The following VPS13C variants were observed in gnomAD, a reference collection of about 807,000 sequenced individuals.
VPS13C encodes the protein intermembrane lipid transfer protein VPS13C.
VPS13C carries 358 observed loss-of-function variants against 456.8 expected under a neutral mutation model. That is an observed-to-expected ratio of 0.78 (90% CI 0.72 to 0.86). VPS13C has a LOEUF of 0.86. VPS13C is among the 40% of genes least tolerant of loss of function. The pLI is 0.00. For synonymous variants in VPS13C, 1,578 were observed against 1,486.7 expected, an observed-to-expected ratio of 1.06 and a Z score of -1.41; for missense variants, 4,818 against 4,385.4, an observed-to-expected ratio of 1.10 and a Z score of -2.79.
rs566274532 is a variant in VPS13C, at chr15:61,880,907, C to A, written c.9824G>T (p.Gly3275Val). Residue 3275 changes from glycine (G) to valine (V), a missense_variant, in exon 72 of 85, where the codon GGG (glycine) becomes GTG (valine). Around this residue, in one of 3 missense-constraint regions of VPS13C, gnomAD observed 4,552 missense variants for 4,130.6 expected, o/e 1.10. Transcript: ENST00000644861. Reference protein sequence around the residue: ...IQEMALKIDQGFLGAIIALFT... With the variant: ...IQEMALKIDQVFLGAIIALFT... ...CAGTGCAATAATAGCTCCTAGAAACCCTTGATCAATTTTTAAGGCCATTTC... is the reference window on the plus strand; with the variant it reads ...CAGTGCAATAATAGCTCCTAGAAACACTTGATCAATTTTTAAGGCCATTTC... 1.9e-6 allele frequency: 3 copies of A among 1,609,930 alleles called. No individual in the cohort carries two copies. Among genetic ancestry groups the A allele is most frequent in the East Asian group, 4.5e-5 (2 of 44,632 alleles).
rs557734425 is a variant in VPS13C at position 61,989,840 on chromosome 15, G to A, written c.1578+1160C>T. 5.9e-4 allele frequency among the ~76,000 whole-genome samples: 90 copies of A among 152,230 alleles called. 1 individual carries two copies. In the South Asian group the frequency reaches 6.6e-3, roughly 11 times the overall value. The stretch of plus-strand genomic sequence containing the variant: ...ATAATTATCCTCGCATACTGATAGC[G>A]GAAGTGTTTTCCACATTGGAAAACT... On this transcript the variant is annotated intron_variant, in intron 18 of 84. Transcript: ENST00000644861.
intron 51 of VPS13C, 45 bp downstream of exon 51, chr15:61,929,456 T>C (rs1739172812): frequency 1.3e-6 from 2 of 1,557,050 alleles, no homozygotes; most frequent in Admixed American, 2.0e-5. Flanking sequence ...GTAATTCTTG[T>C]CAAAATATAC....
At chr15:61,855,212 T>C (rs1392861524) in intron 83 of VPS13C, among the ~76,000 whole-genome samples, 1 of 152,144 alleles carries the variant, frequency 6.6e-6, no homozygotes, top group African/African-American at 2.4e-5. Context: ...CTATGATAAA[T>C]AGCCTACAGA....
intron 39 of VPS13C, among the ~76,000 whole-genome samples, chr15:61,951,535 T>A (rs1455774279): frequency 6.6e-6 from 1 of 152,154 alleles, no homozygotes; most frequent in Non-Finnish European, 1.5e-5. Flanking sequence ...ACTTTTGTAT[T>A]TGATTTTCAT....
chr15:61,992,922 G>A (rs946080190), intron 16 of VPS13C, among the ~76,000 whole-genome samples: 1 of 151,710 alleles, frequency 6.6e-6, no homozygotes, highest in African/African-American at 2.4e-5. Flanking sequence ...CCAAGGTTCA[G>A]AACCACTGAG....
chr15:61,886,035 T>G (rs113490626), intron 67 of VPS13C, among the ~76,000 whole-genome samples: 42 of 152,260 alleles, frequency 2.8e-4, no homozygotes, highest in African/African-American at 1.0e-3. Flanking sequence ...TTTAAGCAAC[T>G]GTTCCTACTG....
Position 61,915,684 on chromosome 15 carries a change from C to T in VPS13C, c.8394G>A (p.Arg2798=), listed in dbSNP as rs373994025. 1.6e-4 allele frequency: 251 copies of T among 1,606,634 alleles called. No individual in the cohort carries two copies. The highest frequency in any genetic ancestry group is 2.0e-4 in the Non-Finnish European group (238 of 1,178,176). The part of the protein sequence containing the change: ...DIHVKHPADF[R]DIILFSFKKK... The stretch of plus-strand genomic sequence containing the variant: ...TCTTGAAAGAAAATAAAATAATATC[C>T]CTGAAATCAGCTGGATGTTTCACAT... Residue 2798 remains arginine (R), a synonymous_variant, in exon 61 of 85, where the codon AGG becomes AGA. Coordinates refer to ENST00000644861, the MANE Select transcript of VPS13C (RefSeq NM_020821.3).
chr15:62,019,788 T>C (rs991131914), intron 9 of VPS13C, among the ~76,000 whole-genome samples: 10 of 152,180 alleles, frequency 6.6e-5, no homozygotes, highest in African/African-American at 2.4e-4. Context: ...GACAGTTCTG[T>C]AGATGTCTAT....
At chr15:61,863,615 G>A in intron 81 of VPS13C, 87 bp from the exon 82 acceptor site, 1 of 792,834 alleles carries the variant, frequency 1.3e-6, no homozygotes, top group Non-Finnish European at 2.0e-6. Flanking sequence ...TATAATAATA[G>A]TGTTAGGAAA....
intron 13 of VPS13C, among the ~76,000 whole-genome samples, chr15:62,010,155 A>G (rs1033985578): frequency 3.3e-5 from 5 of 151,628 alleles, no homozygotes; most frequent in African/African-American, 1.2e-4. Context: ...GCACCACTGC[A>G]CTCCAGCCTG....
rs12442569 is a variant in VPS13C, at chr15:61,882,935, G to A, written c.9484-199C>T. 0.079 allele frequency among the ~76,000 whole-genome samples: 11,964 copies of A among 152,068 alleles called. 709 individuals are homozygous for A. The highest frequency in any genetic ancestry group is 0.21 in the East Asian group (1,076 of 5,176). ...TACCAGTTATTAGAAAAAAAAGATC[G>A]TGAAACTTTTCAAGTATAGAAACTA... On this transcript the variant is annotated intron_variant, in intron 68 of 84. Coordinates refer to ENST00000644861, the MANE Select transcript of VPS13C (RefSeq NM_020821.3).
At chr15:62,037,473 TTTA>T (rs1215691851) in intron 3 of VPS13C, among the ~76,000 whole-genome samples, 1 of 109,564 alleles carries the variant, frequency 9.1e-6, no homozygotes, top group Non-Finnish European at 1.7e-5. Context: ...ATATAATAAA[TTTA>T]TTATATTGTA....
intron 18 of VPS13C, among the ~76,000 whole-genome samples, chr15:61,989,196 G>C (rs1442530057): frequency 6.6e-6 from 1 of 150,992 alleles, no homozygotes; most frequent in Non-Finnish European, 1.5e-5. Context: ...TTTGAGACCA[G>C]CCTGGGCAAT....
intron 18 of VPS13C, among the ~76,000 whole-genome samples, chr15:61,990,358 T>C (rs2046186425): frequency 6.6e-6 from 1 of 152,178 alleles, no homozygotes; most frequent in African/African-American, 2.4e-5. Context: ...TTTTAGTCAA[T>C]CAAATAGGCA....
At chr15:62,004,207 T>A (rs2140475985) in intron 15 of VPS13C, among the ~76,000 whole-genome samples, 1 of 151,666 alleles carries the variant, frequency 6.6e-6, no homozygotes, top group African/African-American at 2.4e-5. Context: ...ATCCTGTTAT[T>A]GGTCTATTCA....
At position 61,878,744 on chromosome 15, in the gene VPS13C, C is replaced by A; in HGVS notation, c.10005G>T (p.Leu3335Phe). 1 of 1,600,768 alleles carries A rather than the reference C, an allele frequency of 6.2e-7. No individual in the cohort carries two copies. Among genetic ancestry groups the A allele is most frequent in the Admixed American group, 1.7e-5 (1 of 57,190 alleles). Residue 3335 changes from leucine to phenylalanine, a missense_variant and splice_region_variant, in exon 74 of 85, where the codon TTG becomes TTT. This residue lies in a region of VPS13C where 4,552 missense variants were observed against 4,130.6 expected (regional missense o/e 1.10). Coordinates refer to ENST00000644861, the MANE Select transcript of VPS13C (RefSeq NM_020821.3). ...FEHFHISPVK[L>F]HLSLSLGSGG... ...CGGAACCCAAAGACAAACTCAAATGCAACTAAAAGAAAAATAATGTTCAAT... is the reference window on the plus strand; with the variant it reads ...CGGAACCCAAAGACAAACTCAAATGAAACTAAAAGAAAAATAATGTTCAAT...
chr15:61,877,966 T>C (rs1010416332), intron 74 of VPS13C, among the ~76,000 whole-genome samples: 7 of 150,844 alleles, frequency 4.6e-5, no homozygotes, highest in African/African-American at 9.6e-5. Flanking sequence ...TCCCAGGCTT[T>C]TGTTTTTTAA....
rs1166084103 is a variant in VPS13C, at chr15:61,867,739, G to C, written c.10863+920C>G. ...TATACTAATCTCTTATTTCTGGACA[G>C]TATTACCAGGAATACCACAAGTTTT... On this transcript the variant is annotated intron_variant, in intron 81 of 84. Coordinates refer to ENST00000644861, the MANE Select transcript of VPS13C (RefSeq NM_020821.3). This position sits in a 1 kb window ranked among gnomAD's most constrained non-coding sequence, Gnocchi z 5.0. The C allele has an allele frequency of 4.2e-5, 61 of 1,457,458 alleles. No individual in the cohort carries two copies. The highest frequency in any genetic ancestry group is 5.3e-5 in the Non-Finnish European group (59 of 1,107,720). 90.3% of individuals were successfully genotyped at this position (1,457,458 alleles called of 1,614,324 possible). A position where few individuals can be genotyped will look rare whatever the true frequency, so the allele number is the denominator to read the frequency against.
chr15:62,038,078 A>C (rs2048123840), intron 3 of VPS13C, among the ~76,000 whole-genome samples: 1 of 152,136 alleles, frequency 6.6e-6, no homozygotes, highest in Admixed American at 6.6e-5. Flanking sequence ...AGTTGGGAGA[A>C]AGGATGTAGC....
Sources: gnomAD v4.1 joint callset for allele counts (sites outside exome capture counted in the v4.1 genomes callset) on GRCh38, gnomAD v4.1.1 for gene constraint, gnomAD v4.1.1 regional missense constraint, Gnocchi (gnomAD v3.1) non-coding constraint, MANE v1.5 for transcripts, NCBI Gene and HGNC (gene_info 2026-07-23, HGNC 2026-07-21) for gene names.